The following STAU2 variants were observed in gnomAD, a reference collection of about 807,000 sequenced individuals.
The protein encoded by STAU2 is staufen double-stranded RNA binding protein 2.
STAU2 carries 20 observed loss-of-function variants against 65.9 expected under a neutral mutation model. The ratio of observed to expected loss-of-function variants is 0.30; its 90% CI spans 0.21 to 0.44. The LOEUF is 0.44. Among genes scored for constraint, STAU2 ranks in the 20% least tolerant of loss-of-function variants. STAU2 has a pLI of 1.00. For synonymous variants in STAU2, 232 were observed against 233.9 expected, an observed-to-expected ratio of 0.99 and a Z score of 0.07; for missense variants, 558 against 683.9, an observed-to-expected ratio of 0.82 and a Z score of 2.05.
chr8:73,696,012 G>A (rs1430330966), intron 4 of STAU2, among the ~76,000 whole-genome samples: 1 of 152,214 alleles, frequency 6.6e-6, no homozygotes, highest in Non-Finnish European at 1.5e-5. Context: ...CTGACCCAGA[G>A]CAATCCCAGG....
Position 73,654,936 on chromosome 8 carries a change from C to T in STAU2, c.410+18171G>A, listed in dbSNP as rs898764807. 1.6e-4 allele frequency among the ~76,000 whole-genome samples: 24 copies of T among 152,188 alleles called. No individual in the cohort carries two copies. In the East Asian group the frequency reaches 3.9e-3, roughly 25 times the overall value. The stretch of plus-strand genomic sequence containing the variant: ...TCCTGACCTCGTGATCTGCCCGTCT[C>T]GGCCTCCCAAAGTGATGGGATTACA... On this transcript the variant is annotated intron_variant, in intron 6 of 14. Transcript: ENST00000524300.
At chr8:73,647,413 A>G (rs1209204479) in intron 6 of STAU2, among the ~76,000 whole-genome samples, 2 of 152,240 alleles carry the variant, frequency 1.3e-5, no homozygotes, top group Non-Finnish European at 2.9e-5. Context: ...AAAAAGTCAC[A>G]TACTATGATT....
intron 5 of STAU2, among the ~76,000 whole-genome samples, chr8:73,686,234 G>A (rs1026729902): frequency 2.0e-5 from 3 of 152,066 alleles, no homozygotes; most frequent in Admixed American, 6.6e-5. Flanking sequence ...CTAACATGGT[G>A]AAACCCTGTC....
chr8:73,434,913 A>G (rs537281663), intron 13 of STAU2, among the ~76,000 whole-genome samples: 4 of 152,046 alleles, frequency 2.6e-5, no homozygotes, highest in African/African-American at 9.7e-5. Flanking sequence ...ATCACATTCC[A>G]TATCTTTGCC....
intron 13 of STAU2, among the ~76,000 whole-genome samples, chr8:73,477,731 A>C (rs1820392189): frequency 6.6e-6 from 1 of 152,196 alleles, no homozygotes; most frequent in African/African-American, 2.4e-5. Context: ...GACAAGATTT[A>C]GCTGAGGAAG....
At chr8:73,737,012 G>A (rs1806479045) in intron 3 of STAU2, among the ~76,000 whole-genome samples, 1 of 152,116 alleles carries the variant, frequency 6.6e-6, no homozygotes, top group Non-Finnish European at 1.5e-5. Flanking sequence ...CTACAGGTGT[G>A]CACCACCATG....
intron 13 of STAU2, among the ~76,000 whole-genome samples, chr8:73,499,401 G>A (rs767027000): frequency 9.9e-5 from 15 of 151,806 alleles, no homozygotes; most frequent in Non-Finnish European, 1.5e-5. Flanking sequence ...ATAAAGCCTT[G>A]AGCACAACAG....
At chr8:73,594,067 T>A (rs1282780421) in intron 11 of STAU2, among the ~76,000 whole-genome samples, 1 of 152,212 alleles carries the variant, frequency 6.6e-6, no homozygotes, top group African/African-American at 2.4e-5. Flanking sequence ...TGACATATTT[T>A]TATAGATCAC....
At chr8:73,702,748 A>T (rs576487117) in intron 4 of STAU2, among the ~76,000 whole-genome samples, 21 of 152,266 alleles carry the variant, frequency 1.4e-4, no homozygotes, top group African/African-American at 4.6e-4. Context: ...CTGAACAGAC[A>T]CTTCACTAAA....
intron 11 of STAU2, among the ~76,000 whole-genome samples, chr8:73,586,532 A>G (rs960369679): frequency 3.9e-5 from 6 of 151,950 alleles, no homozygotes; most frequent in African/African-American, 1.5e-4. Flanking sequence ...CCAAGGTTTC[A>G]TACTGAAAAA....
intron 3 of STAU2, among the ~76,000 whole-genome samples, chr8:73,726,890 T>C (rs1215914991): frequency 6.6e-6 from 1 of 152,234 alleles, no homozygotes; most frequent in Non-Finnish European, 1.5e-5. Flanking sequence ...AGCATTTTAA[T>C]ATTTTATTGA....
chr8:73,498,361 CAT>C (rs1304604105), intron 13 of STAU2, among the ~76,000 whole-genome samples: 4 of 151,894 alleles, frequency 2.6e-5, no homozygotes, highest in Non-Finnish European at 5.9e-5. Flanking sequence ...GGCCATAGAA[CAT>C]ATGTACACAG....
intron 13 of STAU2, chr8:73,439,003 T>C (rs1817920962): frequency 1.3e-5 from 6 of 456,730 alleles, no homozygotes; most frequent in African/African-American, 2.0e-5. Context: ...CCTCAACGTC[T>C]CCGTTTAGAA....
chr8:73,497,160 C>T (rs1821463941), intron 13 of STAU2, among the ~76,000 whole-genome samples: 1 of 151,660 alleles, frequency 6.6e-6, no homozygotes, highest in African/African-American at 2.4e-5. Context: ...CTCAACCTCA[C>T]AGAAAGTGGA....
chr8:73,598,926 T>C (rs942524330), intron 10 of STAU2, among the ~76,000 whole-genome samples: 1 of 152,166 alleles, frequency 6.6e-6, no homozygotes, highest in African/African-American at 2.4e-5. Flanking sequence ...CAAATACCTA[T>C]GATGTGCAAA....
At chr8:73,740,205 C>T (rs929336134) in intron 1 of STAU2, among the ~76,000 whole-genome samples, 2 of 152,212 alleles carry the variant, frequency 1.3e-5, no homozygotes, top group African/African-American at 4.8e-5. Context: ...GAGCCACAGG[C>T]ACCCAGCTAA....
chr8:73,538,757 C>T (rs1163190424), intron 13 of STAU2, among the ~76,000 whole-genome samples: 2 of 151,160 alleles, frequency 1.3e-5, no homozygotes, highest in East Asian at 1.9e-4. Flanking sequence ...CAAGAAACAT[C>T]AATACTTGCT....
At chr8:73,615,811 A>G (rs78985436) in intron 7 of STAU2, 29 bp from the exon 8 acceptor site, 1 of 1,503,332 alleles carries the variant, frequency 6.7e-7, no homozygotes, top group Non-Finnish European at 9.2e-7. Flanking sequence ...GATAACACTG[A>G]ATCTTGACAT....
chr8:73,738,195 T>C, intron 3 of STAU2, 89 bp downstream of exon 3: 1 of 1,185,072 alleles, frequency 8.4e-7, no homozygotes, highest in Non-Finnish European at 1.3e-6. Flanking sequence ...CAGGTTACAG[T>C]TATAGAAAAG....
Sources: gnomAD v4.1 joint callset for allele counts (sites outside exome capture counted in the v4.1 genomes callset) on GRCh38, gnomAD v4.1.1 for gene constraint, MANE v1.5 for transcripts, NCBI Gene and HGNC (gene_info 2026-07-23, HGNC 2026-07-21) for gene names.